Variants in CTNS observed in about 807,000 individuals in gnomAD.
CTNS encodes cystinosin.
Under a neutral mutation model 43.7 loss-of-function variants are expected in CTNS, and 27 were observed. The ratio of observed to expected loss-of-function variants is 0.62; its 90% CI spans 0.46 to 0.85. The LOEUF is 0.85. Ranked by LOEUF, CTNS falls within the 40% of genes least tolerant of loss-of-function variation. The pLI is 0.00. For synonymous variants in CTNS, 187 were observed against 190.6 expected, an observed-to-expected ratio of 0.98 and a Z score of 0.16; for missense variants, 457 against 475.4, an observed-to-expected ratio of 0.96 and a Z score of 0.36.
chr17:3,657,304 G>A (rs73305388), intron 9 of CTNS, among the ~76,000 whole-genome samples: 15,343 of 152,190 alleles, frequency 0.1, 2,583 homozygotes, highest in African/African-American at 0.35. Context: ...GAGGGGGCCC[G>A]CGTGCAGGCG....
intron 10 of CTNS, 62 bp downstream of exon 10, chr17:3,658,237 GCCCTGCTC>G: frequency 6.3e-7 from 1 of 1,596,250 alleles, no homozygotes. Context: ...CATGGCCCAG[GCCCTGCTC>G]CGGTGGGGCA....
In CTNS at chr17:3,659,948, C is replaced by T. The variant is rs1338364389; in HGVS notation, c.943C>T (p.Gln315Ter). Residue 315 changes from glutamine to a stop codon, truncating the protein, a stop_gained, in exon 11 of 12, where the codon CAG becomes TAG. Coordinates refer to ENST00000046640, the MANE Select transcript of CTNS (RefSeq NM_004937.3). LOFTEE classifies it high-confidence loss of function. ...CACCGGGGGCAGCTTCAGCCTCCTG[C>T]AGATGTTCCTCCAGTCCTACAACAA... ...DFTGGSFSLL[Q>*]MFLQSYNNDQ... 1 of 1,613,688 alleles carries T rather than the reference C, an allele frequency of 6.2e-7. No homozygotes were observed. Among genetic ancestry groups the T allele is most frequent in the Non-Finnish European group, 8.5e-7 (1 of 1,179,868 alleles).
At chr17:3,643,935 C>T (rs887893284) in intron 3 of CTNS, among the ~76,000 whole-genome samples, 2 of 152,038 alleles carry the variant, frequency 1.3e-5, no homozygotes, top group Non-Finnish European at 2.9e-5. Flanking sequence ...AGGTGAGAGG[C>T]GGCAGTGGTG....
In CTNS at chr17:3,656,519, T is replaced by C. The variant is rs746185049; in HGVS notation, c.494T>C (p.Leu165Pro). ...GGTCTGAGCTTCGACTTCGTGGCTC[T>C]GAACCTGACGGGCTTCGTGGCCTAC... ...VIGLSFDFVALNLTGFVAYSV... is the reference protein window; with the variant it reads ...VIGLSFDFVAPNLTGFVAYSV... The change falls in exon 8 of 12, where the codon CTG becomes CCG. Residue 165 changes from leucine to proline, a missense_variant. Physicochemically the swap from Leu to Pro is moderately conservative, Grantham distance 98. Coordinates refer to ENST00000046640, the MANE Select transcript of CTNS (RefSeq NM_004937.3). 7 of 1,604,868 alleles carry C rather than the reference T, an allele frequency of 4.4e-6. No individual in the cohort carries two copies. Among genetic ancestry groups the C allele is most frequent in the Non-Finnish European group, 5.9e-6 (7 of 1,178,002 alleles).
At position 3,660,032 on chromosome 17, in the gene CTNS, G is replaced by A. The variant is rs560949050; in HGVS notation, c.970+57G>A. The A allele has an allele frequency of 1.2e-5, 19 of 1,522,698 alleles. No individual in the cohort carries two copies. In the African/African-American group the frequency reaches 2.2e-4, roughly 18 times the overall value. 94.3% of individuals were successfully genotyped at this position (1,522,698 alleles called of 1,614,324 possible). A position where few individuals can be genotyped will look rare whatever the true frequency, so the allele number is the denominator to read the frequency against. Reference sequence around the variant, plus strand: ...GCGGCTGGGGCATCGGGCGGGGCCAGCCTTCCCGGGACCTTCCAGCCAGGG... The same window carrying A: ...GCGGCTGGGGCATCGGGCGGGGCCAACCTTCCCGGGACCTTCCAGCCAGGG... On this transcript the variant is annotated intron_variant, in intron 11 of 11. Coordinates refer to ENST00000046640, the MANE Select transcript of CTNS (RefSeq NM_004937.3).
At chr17:3,645,447 G>A (rs1271571460) in intron 3 of CTNS, among the ~76,000 whole-genome samples, 5 of 152,170 alleles carry the variant, frequency 3.3e-5, no homozygotes, top group Non-Finnish European at 4.4e-5. Context: ...GCAGAGCCTG[G>A]CCTGGCAGGG....
rs1170586525 is a variant in CTNS at position 3,643,134 on chromosome 17, G to C, written c.61+2867G>C. Among the ~76,000 whole-genome samples the C allele has an allele frequency of 3.3e-5, 5 of 152,194 alleles. No individual in the cohort carries two copies. In the East Asian group the frequency reaches 9.7e-4, roughly 29 times the overall value. On this transcript the variant is annotated intron_variant, in intron 3 of 11. Transcript: ENST00000046640. ...TCGAGACTATCCTGGCTAACATGGT[G>C]AAATCCCGTCTCTACCAAAAATACA...
intron 5 of CTNS, chr17:3,650,392 G>T: frequency 6.6e-7 from 1 of 1,525,384 alleles, no homozygotes; most frequent in East Asian, 2.5e-5. Context: ...TGAGGCAGGA[G>T]AATCACTTGA....
intron 5 of CTNS, among the ~76,000 whole-genome samples, chr17:3,653,822 G>A (rs2150916497): frequency 6.6e-6 from 1 of 152,110 alleles, no homozygotes; most frequent in African/African-American, 2.4e-5. Context: ...TTTGCAGTGA[G>A]CTGAGATCGC....
rs1462840153 is a variant in CTNS, at chr17:3,641,374, ATATATATATATTTT to A, written c.61+1109_61+1122del. 4.3e-4 allele frequency among the ~76,000 whole-genome samples: 16 copies of A among 37,424 alleles called. No individual in the cohort carries two copies. The East Asian group carries it at 6.3e-3, about 15-fold the overall frequency. The allele number at this position is 37,424 out of a possible 152,430, so 24.6% of individuals were successfully genotyped here. A position where few individuals can be genotyped will look rare whatever the true frequency, so the allele number is the denominator to read the frequency against. Reference sequence around the variant, plus strand: ...AAATCAGATACATATATATATATATATATATATATATTTTTTTTTTTTTTTTTTTTTTTTTGAGA... The same window carrying A: ...AAATCAGATACATATATATATATATATTTTTTTTTTTTTTTTTTTTTGAGA... On this transcript the variant is annotated intron_variant, in intron 3 of 11. Transcript: ENST00000046640.
intron 9 of CTNS, chr17:3,657,047 A>G: frequency 1.9e-6 from 1 of 532,742 alleles, no homozygotes; most frequent in Non-Finnish European, 3.4e-6. Context: ...CAGACAGCTC[A>G]TGGAGGAGTG....
intron 11 of CTNS, 59 bp downstream of exon 11, chr17:3,660,034 C>G: frequency 6.6e-7 from 1 of 1,511,156 alleles, no homozygotes; most frequent in South Asian, 1.1e-5. Context: ...CGGGGCCAGC[C>G]TTCCCGGGAC....
Position 3,655,364 on chromosome 17 carries a change from G to A in CTNS, c.461+12G>A. On this transcript the variant is annotated intron_variant, in intron 7 of 11. Coordinates refer to ENST00000046640, the MANE Select transcript of CTNS (RefSeq NM_004937.3). The stretch of plus-strand genomic sequence containing the variant: ...TGGAGGCGGAAAAGGTAACCCCCTG[G>A]GCCGTATGTGCAGGCTCTCTCGGGG... 1 of 1,613,882 alleles carries A rather than the reference G, an allele frequency of 6.2e-7. No individual in the cohort carries two copies. Among genetic ancestry groups the A allele is most frequent in the South Asian group, 1.1e-5 (1 of 91,062 alleles).
intron 3 of CTNS, among the ~76,000 whole-genome samples, chr17:3,640,910 G>GA (rs1300877004): frequency 6.6e-6 from 1 of 151,642 alleles, no homozygotes; most frequent in African/African-American, 2.4e-5. Context: ...GACTTTAAAA[G>GA]AAAAAAAAGA....
At chr17:3,638,968 C>G (rs2075610817) in intron 2 of CTNS, among the ~76,000 whole-genome samples, 1 of 152,092 alleles carries the variant, frequency 6.6e-6, no homozygotes, top group South Asian at 2.1e-4. Flanking sequence ...CTGCAGCAGG[C>G]AAAGAGAGAA....
Position 3,651,287 on chromosome 17 carries a change from G to T in CTNS, c.225+2356G>T, listed in dbSNP as rs372173806. On this transcript the variant is annotated intron_variant, in intron 5 of 11. Coordinates refer to ENST00000046640, the MANE Select transcript of CTNS (RefSeq NM_004937.3). ...TTTTTGTGTTTTTAGTAGAGATGGG[G>T]TTTCACCATGTTTGCCAGGCTGGTC... Among the ~76,000 whole-genome samples the T allele has an allele frequency of 8.2e-4, 125 of 152,124 alleles. 4 individuals are homozygous for T. The South Asian group carries it at 0.024, about 29-fold the overall frequency.
In CTNS at chr17:3,659,978, G is replaced by C; in HGVS notation, c.970+3G>C. On this transcript the variant is annotated splice_donor_region_variant and intron_variant, in intron 11 of 11. Coordinates refer to ENST00000046640, the MANE Select transcript of CTNS (RefSeq NM_004937.3). ...GTTCCTCCAGTCCTACAACAACGGTGAGTCAGCCAGCGGGCTGCTGGCCAC... is the reference window on the plus strand; with the variant it reads ...GTTCCTCCAGTCCTACAACAACGGTCAGTCAGCCAGCGGGCTGCTGGCCAC... The C allele has an allele frequency of 6.2e-7, 1 of 1,610,568 alleles. No homozygotes were observed. Among genetic ancestry groups the C allele is most frequent in the Non-Finnish European group, 8.5e-7 (1 of 1,177,502 alleles).
Position 3,661,895 on chromosome 17 carries a change from T to C in CTNS, c.*1526T>C, listed in dbSNP as rs780439698. Among the ~76,000 whole-genome samples, 4 of 152,232 alleles carry C rather than the reference T, an allele frequency of 2.6e-5. No individual in the cohort carries two copies. The highest frequency in any genetic ancestry group is 6.5e-5 in the Admixed American group (1 of 15,290). On this transcript the variant is annotated 3_prime_UTR_variant, in exon 12 of 12. Transcript: ENST00000046640. ...TCTAGTTGTAACAAACGTCAAAGAATGTCAGGTCTTGTTTCTGCAGAGCAG... is the reference window on the plus strand; with the variant it reads ...TCTAGTTGTAACAAACGTCAAAGAACGTCAGGTCTTGTTTCTGCAGAGCAG...
intron 3 of CTNS, among the ~76,000 whole-genome samples, chr17:3,647,019 A>G (rs527270310): frequency 1.3e-5 from 2 of 152,334 alleles, no homozygotes; most frequent in South Asian, 4.1e-4. Flanking sequence ...GGGCTGGCCC[A>G]GTTCTTCAGG....
Sources: allele counts gnomAD v4.1 joint callset (sites outside exome capture counted in the v4.1 genomes callset), GRCh38; gene constraint gnomAD v4.1.1; transcripts MANE v1.5; gene names NCBI Gene and HGNC (gene_info 2026-07-23, HGNC 2026-07-21).